TMCC3: variants seen among roughly 807,000 people sequenced by gnomAD.
TMCC3 encodes transmembrane and coiled-coil domain family 3, also known as transmembrane and coiled-coil domain protein 3.
TMCC3 carries 28 observed loss-of-function variants against 40.2 expected under a neutral mutation model. That is an observed-to-expected ratio of 0.70 (90% confidence interval 0.52 to 0.95). TMCC3 has a LOEUF of 0.95. Ranked by LOEUF, TMCC3 falls within the 40% of genes least tolerant of loss-of-function variation. The pLI, the probability that TMCC3 is intolerant of heterozygous loss-of-function variation, is 0.00. For missense variants in TMCC3, 554 were observed against 615.2 expected (o/e 0.90, Z 1.05); for synonymous variants, 255 against 248.5 (o/e 1.03, Z -0.25).
intron 1 of TMCC3, among the ~76,000 whole-genome samples, chr12:94,628,893 C>A (rs2068917544): frequency 6.6e-6 from 1 of 152,198 alleles, no homozygotes; most frequent in African/African-American, 2.4e-5. Context: ...GCAAATAAAA[C>A]CTCACTGAGA....
intron 2 of TMCC3, 34 bp from the exon 3 acceptor site, chr12:94,578,563 C>T (rs1416235005): frequency 1.3e-6 from 2 of 1,599,544 alleles, no homozygotes; most frequent in South Asian, 1.1e-5. Flanking sequence ...CCAGTGTGAC[C>T]TTTCACAGCA....
intron 1 of TMCC3, among the ~76,000 whole-genome samples, chr12:94,631,838 T>G (rs1424487747): frequency 6.6e-6 from 1 of 152,208 alleles, no homozygotes; most frequent in African/African-American, 2.4e-5. Context: ...CGCTCCAAAC[T>G]TTTCATAATG....
chr12:94,578,641 G>T, intron 2 of TMCC3, 112 bp from the exon 3 acceptor site: 1 of 1,209,580 alleles, frequency 8.3e-7, no homozygotes, highest in Non-Finnish European at 1.1e-6. Context: ...ATTCCCTGAT[G>T]GGCTGTTTTT....
chr12:94,617,390 C>T (rs2068853716), intron 1 of TMCC3, among the ~76,000 whole-genome samples: 1 of 152,162 alleles, frequency 6.6e-6, no homozygotes, highest in African/African-American at 2.4e-5. Context: ...AGTAAATTAA[C>T]CTTTTTGGGA....
chr12:94,611,500 T>G (rs1415075366), intron 1 of TMCC3, among the ~76,000 whole-genome samples: 1 of 152,152 alleles, frequency 6.6e-6, no homozygotes. Context: ...TAAAGACTCT[T>G]CACTGAGAAT....
intron 1 of TMCC3, among the ~76,000 whole-genome samples, chr12:94,619,866 A>C (rs1566330676): frequency 6.6e-6 from 1 of 152,228 alleles, no homozygotes; most frequent in Non-Finnish European, 1.5e-5. Context: ...AAGACACATA[A>C]GAAACATAAC....
chr12:94,594,525 G>A, intron 1 of TMCC3, among the ~76,000 whole-genome samples: 1 of 152,132 alleles, frequency 6.6e-6, no homozygotes, highest in East Asian at 1.9e-4. Context: ...GGGCAGTTCT[G>A]GAAAATTTCC....
intron 1 of TMCC3, among the ~76,000 whole-genome samples, chr12:94,606,780 G>C (rs1366213605): frequency 6.6e-6 from 1 of 152,066 alleles, no homozygotes; most frequent in African/African-American, 2.4e-5. Flanking sequence ...ACAGGGCGTA[G>C]GTCACAAAGA....
At chr12:94,648,450 C>T (rs556120882) in intron 1 of TMCC3, among the ~76,000 whole-genome samples, 104 of 152,258 alleles carry the variant, frequency 6.8e-4, no homozygotes, top group Non-Finnish European at 1.0e-3. Context: ...TGGTCTTGAA[C>T]TCCTGACCTG....
chr12:94,608,831 C>T (rs1006994447), intron 1 of TMCC3, among the ~76,000 whole-genome samples: 6 of 152,196 alleles, frequency 3.9e-5, no homozygotes, highest in African/African-American at 1.4e-4. Flanking sequence ...CTTCCACCTC[C>T]ACCATCTACT....
intron 1 of TMCC3, among the ~76,000 whole-genome samples, chr12:94,634,741 A>G (rs2068951435): frequency 6.6e-6 from 1 of 152,238 alleles, no homozygotes; most frequent in South Asian, 2.1e-4. Flanking sequence ...CCTGAATGAA[A>G]GAGACTCACT....
intron 1 of TMCC3, among the ~76,000 whole-genome samples, chr12:94,584,103 C>A (rs965305710): frequency 9.2e-5 from 14 of 151,998 alleles, no homozygotes; most frequent in South Asian, 2.1e-4. Flanking sequence ...GGATCTGTGT[C>A]CCTATCCAAA....
At chr12:94,644,762 C>A (rs1289207980) in intron 1 of TMCC3, among the ~76,000 whole-genome samples, 1 of 152,228 alleles carries the variant, frequency 6.6e-6, no homozygotes. Context: ...AGTTTCCACT[C>A]CCCCTATTTC....
intron 1 of TMCC3, chr12:94,610,129 C>T (rs2625934): frequency 0.94 from 143,402 of 152,214 alleles, 67,747 homozygotes; most frequent in African/African-American, 0.97. Flanking sequence ...TATGCAACGA[C>T]CTACTCTGTA....
chr12:94,626,492 T>C (rs894350378), intron 1 of TMCC3, among the ~76,000 whole-genome samples: 9 of 152,228 alleles, frequency 5.9e-5, no homozygotes, highest in Admixed American at 2.0e-4. Flanking sequence ...TATTAAACAC[T>C]GAACCCTGGG....
At chr12:94,639,765 A>T (rs566743433) in intron 1 of TMCC3, among the ~76,000 whole-genome samples, 1 of 35,028 alleles carries the variant, frequency 2.9e-5, no homozygotes, top group African/African-American at 9.8e-5. Flanking sequence ...AAGAGGTAAG[A>T]AAAAAAAAAA....
intron 1 of TMCC3, among the ~76,000 whole-genome samples, chr12:94,624,545 T>G (rs1481978652): frequency 6.6e-6 from 1 of 151,670 alleles, no homozygotes; most frequent in Non-Finnish European, 1.5e-5. Context: ...AAAACCCGTC[T>G]CCACTAAAAA....
chr12:94,616,573 G>A (rs75053970), intron 1 of TMCC3, among the ~76,000 whole-genome samples: 2,026 of 152,306 alleles, frequency 0.013, 21 homozygotes, highest in African/African-American at 0.021. Context: ...GGGCATAGCC[G>A]CCTCCTGGCG....
At chr12:94,615,916 G>A in intron 1 of TMCC3, 1 of 985,376 alleles carries the variant, frequency 1.0e-6, no homozygotes, top group African/African-American at 1.7e-5. Context: ...GTTGTGAAGA[G>A]ACTTACCAAG....
Sources: gnomAD v4.1 joint callset for allele counts (sites outside exome capture counted in the v4.1 genomes callset) on GRCh38, gnomAD v4.1.1 for gene constraint, MANE v1.5 for transcripts, NCBI Gene and HGNC (gene_info 2026-07-23, HGNC 2026-07-21) for gene names.